Variants in PPP3CA observed in about 807,000 individuals in gnomAD.
The protein encoded by PPP3CA is protein phosphatase 3 catalytic subunit alpha, also known as CAM-PRP catalytic subunit.
Under a neutral mutation model 66.5 loss-of-function variants are expected in PPP3CA, and 14 were observed. The ratio of observed to expected loss-of-function variants is 0.21; its 90% CI spans 0.14 to 0.33. The LOEUF is 0.33. Ranked by LOEUF, PPP3CA falls within the 10% of genes least tolerant of loss-of-function variation. The pLI is 1.00. For missense variants in PPP3CA, 317 were observed against 639.5 expected (o/e 0.50, Z 5.44); for synonymous variants, 232 against 226.2 (o/e 1.03, Z -0.23).
At chr4:101,264,351 G>A (rs1025974288) in intron 1 of PPP3CA, among the ~76,000 whole-genome samples, 23 of 151,946 alleles carry the variant, frequency 1.5e-4, no homozygotes, top group African/African-American at 5.3e-4. Flanking sequence ...AATTTTAATA[G>A]GAATTGAGTC....
At chr4:101,121,883 C>T (rs1176295829) in intron 2 of PPP3CA, among the ~76,000 whole-genome samples, 1 of 151,906 alleles carries the variant, frequency 6.6e-6, no homozygotes, top group Non-Finnish European at 1.5e-5. Flanking sequence ...CTGATCTGGC[C>T]TTTTATCAAT....
chr4:101,144,530 T>C (rs752977324), intron 2 of PPP3CA, among the ~76,000 whole-genome samples: 1 of 152,206 alleles, frequency 6.6e-6, no homozygotes, highest in Non-Finnish European at 1.5e-5. Flanking sequence ...CCTTTTGATC[T>C]GTACCCACAA....
chr4:101,343,418 T>C (rs2850326), intron 1 of PPP3CA, among the ~76,000 whole-genome samples: 68,489 of 151,926 alleles, frequency 0.45, 18,413 homozygotes, highest in African/African-American at 0.75. Context: ...CTGTAGAGTA[T>C]CACTAAGAGA....
chr4:101,324,098 A>G (rs1729123331), intron 1 of PPP3CA, among the ~76,000 whole-genome samples: 2 of 150,610 alleles, frequency 1.3e-5, no homozygotes, highest in Admixed American at 1.3e-4. Flanking sequence ...ACAGAGTGAG[A>G]CAAAAGAAAG....
At chr4:101,131,801 T>C (rs1272149050) in intron 2 of PPP3CA, among the ~76,000 whole-genome samples, 1 of 152,182 alleles carries the variant, frequency 6.6e-6, no homozygotes, top group Non-Finnish European at 1.5e-5. Flanking sequence ...AGAATATACA[T>C]TCTTCTCAGC....
At chr4:101,331,534 T>C (rs1729386888) in intron 1 of PPP3CA, among the ~76,000 whole-genome samples, 2 of 152,082 alleles carry the variant, frequency 1.3e-5, no homozygotes, top group Admixed American at 1.3e-4. Context: ...ACATTTGTGA[T>C]CCATCGTGCG....
chr4:101,072,943 A>G (rs1177969719), intron 8 of PPP3CA, among the ~76,000 whole-genome samples: 1 of 149,710 alleles, frequency 6.7e-6, no homozygotes, highest in African/African-American at 2.4e-5. Context: ...CTCAAAAAAA[A>G]AAAAAAAAAA....
At chr4:101,026,133 C>T in intron 13 of PPP3CA, 72 bp from the exon 14 acceptor site, 1 of 1,322,100 alleles carries the variant, frequency 7.6e-7, no homozygotes, top group Non-Finnish European at 1.0e-6. Flanking sequence ...GCTGTTGCAG[C>T]AGGTGATGTT....
At chr4:101,072,286 G>C (rs768613333) in intron 8 of PPP3CA, among the ~76,000 whole-genome samples, 3 of 152,142 alleles carry the variant, frequency 2.0e-5, no homozygotes, top group Non-Finnish European at 4.4e-5. Flanking sequence ...AGAATGGTTA[G>C]AGTCACCTAA....
At chr4:101,040,410 G>A (rs1578396031) in intron 11 of PPP3CA, 72 bp downstream of exon 11, 1 of 1,033,852 alleles carries the variant, frequency 9.7e-7, no homozygotes, top group Non-Finnish European at 1.3e-6. Flanking sequence ...ATTACCAGAT[G>A]AAAGTATTAA....
intron 2 of PPP3CA, among the ~76,000 whole-genome samples, chr4:101,124,855 A>G (rs1722197654): frequency 6.6e-6 from 1 of 152,206 alleles, no homozygotes; most frequent in Admixed American, 6.5e-5. Flanking sequence ...TTAAAATCCC[A>G]TCATTTACAG....
chr4:101,339,016 A>G lies in PPP3CA; in HGVS notation c.58+7723T>C, dbSNP rs191860511. 6.0e-4 allele frequency among the ~76,000 whole-genome samples: 91 copies of G among 152,350 alleles called. 1 individual carries two copies. Among genetic ancestry groups the G allele is most frequent in the African/African-American group, 1.9e-3 (81 of 41,580 alleles). ...AATGTCAACGGATGGCTCAAAGCCC[A>G]CTTGTGAGAATCTAAGGAGACAGCA... On this transcript the variant is annotated intron_variant, in intron 1 of 13. Coordinates refer to ENST00000394854, the MANE Select transcript of PPP3CA (RefSeq NM_000944.5).
intron 1 of PPP3CA, among the ~76,000 whole-genome samples, chr4:101,213,249 T>C (rs899994680): frequency 5.2e-4 from 79 of 152,186 alleles, no homozygotes; most frequent in African/African-American, 1.9e-3. Context: ...ATTCCTGATT[T>C]CTATTAAGTC....
At chr4:101,315,090 T>G (rs1277173993) in intron 1 of PPP3CA, among the ~76,000 whole-genome samples, 1 of 152,180 alleles carries the variant, frequency 6.6e-6, no homozygotes, top group Non-Finnish European at 1.5e-5. Flanking sequence ...ATGGGGCCTT[T>G]GGGACATGAT....
At position 101,264,729 on chromosome 4, in the gene PPP3CA, A is replaced by G. The variant is rs574260923; in HGVS notation, c.59-68613T>C. Among the ~76,000 whole-genome samples the G allele has an allele frequency of 4.6e-5, 7 of 152,318 alleles. No homozygotes were observed. In the East Asian group the frequency reaches 1.2e-3, roughly 25 times the overall value. On this transcript the variant is annotated intron_variant, in intron 1 of 13. Transcript: ENST00000394854. ...TTAAGTTCAAATAATCACTAAGCAA[A>G]TATCTCATTTAATCATTCAAGAAAA...
At chr4:101,180,429 T>A (rs1724198002) in intron 2 of PPP3CA, among the ~76,000 whole-genome samples, 1 of 152,132 alleles carries the variant, frequency 6.6e-6, no homozygotes, top group Non-Finnish European at 1.5e-5. Flanking sequence ...AAAACCACTC[T>A]CCTTGCAGGC....
chr4:101,113,927 T>G (rs1263142177), intron 2 of PPP3CA, among the ~76,000 whole-genome samples: 3 of 152,122 alleles, frequency 2.0e-5, no homozygotes, highest in African/African-American at 7.2e-5. Context: ...AGGTCCTTTT[T>G]TCTTCTACTT....
At chr4:101,121,642 A>C (rs1315186452) in intron 2 of PPP3CA, among the ~76,000 whole-genome samples, 1 of 152,188 alleles carries the variant, frequency 6.6e-6, no homozygotes, top group Non-Finnish European at 1.5e-5. Context: ...GTAGTTATTA[A>C]GTACCTGCTG....
At chr4:101,221,850 GA>G (rs1335724420) in intron 1 of PPP3CA, among the ~76,000 whole-genome samples, 1 of 151,478 alleles carries the variant, frequency 6.6e-6, no homozygotes, top group Non-Finnish European at 1.5e-5. Context: ...CCCTCTAAAA[GA>G]AATGTATGGC....
Sources: gnomAD v4.1 joint callset for allele counts (sites outside exome capture counted in the v4.1 genomes callset) on GRCh38, gnomAD v4.1.1 for gene constraint, MANE v1.5 for transcripts, NCBI Gene and HGNC (gene_info 2026-07-23, HGNC 2026-07-21) for gene names.